Variants in ZSWIM6 observed in about 807,000 individuals in gnomAD.
ZSWIM6 encodes zinc finger SWIM domain-containing protein 6.
In ZSWIM6, 9 loss-of-function variants were observed where a neutral mutation model predicts 113.2. The observed-to-expected ratio is 0.08, with a 90% confidence interval of 0.05 to 0.14. The LOEUF is 0.14. ZSWIM6 is among the 10% of genes least tolerant of loss of function. The pLI is 1.00. For missense variants in ZSWIM6, 1,162 were observed against 1,552.2 expected (o/e 0.75, Z 4.22); for synonymous variants, 611 against 606.5 (o/e 1.01, Z -0.11).
intron 1 of ZSWIM6, among the ~76,000 whole-genome samples, chr5:61,464,158 A>ATTTTTTTTTATTTT (rs1747376311): frequency 2.3e-5 from 1 of 43,514 alleles, no homozygotes; most frequent in Non-Finnish European, 4.1e-5. Flanking sequence ...CACCCGGCTA[A>ATTTTTTTTTATTTT]TTTTTTTTTT....
intron 7 of ZSWIM6, among the ~76,000 whole-genome samples, chr5:61,529,654 C>T (rs1002099563): frequency 3.3e-5 from 5 of 152,174 alleles, no homozygotes; most frequent in Non-Finnish European, 7.3e-5. Flanking sequence ...TTAGTCCTCT[C>T]TAATGCCCCC....
chr5:61,412,212 A>G (rs1184993348), intron 1 of ZSWIM6, among the ~76,000 whole-genome samples: 1 of 152,188 alleles, frequency 6.6e-6, no homozygotes, highest in East Asian at 1.9e-4. Context: ...AAAAAGAGAA[A>G]AACTTCACAG....
intron 2 of ZSWIM6, among the ~76,000 whole-genome samples, chr5:61,482,472 C>A (rs1257258911): frequency 6.6e-6 from 1 of 151,978 alleles, no homozygotes; most frequent in Admixed American, 6.6e-5. Context: ...CACATGTATT[C>A]CAGAACTTAC....
At chr5:61,372,078 T>G (rs1745277615) in intron 1 of ZSWIM6, among the ~76,000 whole-genome samples, 1 of 152,158 alleles carries the variant, frequency 6.6e-6, no homozygotes, top group Admixed American at 6.5e-5. Flanking sequence ...TGGCTGAGAT[T>G]TCTCACTGTC....
chr5:61,375,025 GGTGGGACCAAGTCTATA>G, intron 1 of ZSWIM6: 1 of 1,207,742 alleles, frequency 8.3e-7, no homozygotes, highest in Non-Finnish European at 1.2e-6. Context: ...AGTAATGAGA[GGTGGGACCAAGTCTATA>G]AGATATTAAA....
intron 1 of ZSWIM6, among the ~76,000 whole-genome samples, chr5:61,381,941 T>G (rs1207982545): frequency 6.6e-6 from 1 of 152,248 alleles, no homozygotes; most frequent in Non-Finnish European, 1.5e-5. Context: ...ATGAATTTGG[T>G]TGTAGCTAAC....
chr5:61,487,628 GTATTT>G (rs1306246301), intron 2 of ZSWIM6, among the ~76,000 whole-genome samples: 5 of 151,976 alleles, frequency 3.3e-5, no homozygotes, highest in Non-Finnish European at 5.9e-5. Flanking sequence ...TTATTCTTAA[GTATTT>G]TATTTTGTTT....
intron 7 of ZSWIM6, among the ~76,000 whole-genome samples, chr5:61,527,651 C>T (rs565431649): frequency 6.6e-6 from 1 of 152,264 alleles, no homozygotes; most frequent in East Asian, 1.9e-4. Flanking sequence ...TCCTTCAACA[C>T]ATACACAGTC....
intron 9 of ZSWIM6, 129 bp downstream of exon 9, chr5:61,531,854 T>G: frequency 5.0e-5 from 51 of 1,024,630 alleles, no homozygotes; most frequent in Non-Finnish European, 6.5e-5. Flanking sequence ...TCATGGGGTA[T>G]CAAAGACATG....
At chr5:61,500,123 T>C (rs181827643) in intron 4 of ZSWIM6, among the ~76,000 whole-genome samples, 1 of 147,924 alleles carries the variant, frequency 6.8e-6, no homozygotes, top group Non-Finnish European at 1.5e-5. Flanking sequence ...TTATTATTAT[T>C]ATTATCATTA....
At chr5:61,401,089 C>T (rs1745931428) in intron 1 of ZSWIM6, among the ~76,000 whole-genome samples, 1 of 152,026 alleles carries the variant, frequency 6.6e-6, no homozygotes, top group Non-Finnish European at 1.5e-5. Flanking sequence ...CTATTTTCCC[C>T]CCGACAATTA....
At chr5:61,343,214 C>G (rs1288447715) in intron 1 of ZSWIM6, among the ~76,000 whole-genome samples, 1 of 152,186 alleles carries the variant, frequency 6.6e-6, no homozygotes, top group Non-Finnish European at 1.5e-5. Flanking sequence ...GCAGTAGAAC[C>G]TGTCAGTACA....
chr5:61,399,394 TCTC>T (rs1745903374), intron 1 of ZSWIM6, among the ~76,000 whole-genome samples: 1 of 152,152 alleles, frequency 6.6e-6, no homozygotes, highest in Non-Finnish European at 1.5e-5. Flanking sequence ...CATACTGAAA[TCTC>T]CTCTTTATTT....
At chr5:61,458,450 T>G (rs958073289) in intron 1 of ZSWIM6, among the ~76,000 whole-genome samples, 20 of 152,196 alleles carry the variant, frequency 1.3e-4, no homozygotes, top group African/African-American at 4.6e-4. Context: ...CTCTACATAA[T>G]TTTGTGCATA....
At chr5:61,516,189 T>C (rs1394975519) in intron 4 of ZSWIM6, among the ~76,000 whole-genome samples, 1 of 151,514 alleles carries the variant, frequency 6.6e-6, no homozygotes, top group Non-Finnish European at 1.5e-5. Context: ...TGAATTTAGG[T>C]CTACCATTTA....
chr5:61,518,135 T>C (rs1313632594), intron 4 of ZSWIM6, among the ~76,000 whole-genome samples: 2 of 152,064 alleles, frequency 1.3e-5, no homozygotes, highest in Non-Finnish European at 2.9e-5. Context: ...TTTTTATGGC[T>C]GCATAGTATT....
intron 1 of ZSWIM6, among the ~76,000 whole-genome samples, chr5:61,432,222 C>A (rs899311681): frequency 1.3e-5 from 2 of 152,168 alleles, no homozygotes; most frequent in Admixed American, 6.5e-5. Context: ...TAAACTTCGG[C>A]TTGTGCTAGG....
At chr5:61,455,675 T>C (rs1240202263) in intron 1 of ZSWIM6, among the ~76,000 whole-genome samples, 1 of 152,102 alleles carries the variant, frequency 6.6e-6, no homozygotes, top group Non-Finnish European at 1.5e-5. Flanking sequence ...GCTAAAGGAC[T>C]GGTAGCCCAG....
chr5:61,332,889 C>T lies in ZSWIM6; in HGVS notation c.617C>T (p.Pro206Leu). ...GACGGCGGCGACGAGACGCGGCTGCCTTTCCGCCGGGGCATCGCGCTGTTG... is the reference window on the plus strand; with the variant it reads ...GACGGCGGCGACGAGACGCGGCTGCTTTTCCGCCGGGGCATCGCGCTGTTG... ...AADGGDETRL[P>L]FRRGIALLES... The change falls in exon 1 of 14, where the codon CCT (proline) becomes CTT (leucine). Residue 206 changes from proline to leucine, a missense_variant. Physicochemically the swap from Pro to Leu is moderately conservative, Grantham distance 98 (BLOSUM62 -3). Around this residue, in one of 4 missense-constraint regions of ZSWIM6, gnomAD observed 333 missense variants for 293.4 expected, o/e 1.13. Transcript: ENST00000252744. The T allele has an allele frequency of 2.3e-6, 3 of 1,332,668 alleles. No individual in the cohort carries two copies. The highest frequency in any genetic ancestry group is 1.6e-5 in the South Asian group (1 of 61,580). 82.6% of individuals were successfully genotyped at this position (1,332,668 alleles called of 1,614,324 possible).
Sources: gnomAD v4.1 joint callset for allele counts (sites outside exome capture counted in the v4.1 genomes callset) on GRCh38, gnomAD v4.1.1 for gene constraint, gnomAD v4.1.1 regional missense constraint, MANE v1.5 for transcripts, NCBI Gene and HGNC (gene_info 2026-07-23, HGNC 2026-07-21) for gene names.